The following DCAF8 variants were observed in gnomAD, a reference collection of about 807,000 sequenced individuals.
DCAF8 encodes DDB1 and CUL4 associated factor 8.
A neutral mutation model predicts 68.0 loss-of-function variants in DCAF8; 20 were observed. That is an observed-to-expected ratio of 0.29 (90% CI 0.21 to 0.43). DCAF8 has a LOEUF of 0.43. Ranked by LOEUF, DCAF8 falls within the 20% of genes least tolerant of loss-of-function variation. The pLI is 1.00. For synonymous variants in DCAF8, 230 were observed against 276.9 expected (o/e 0.83, Z 1.68); for missense variants, 460 against 771.0 (o/e 0.60, Z 4.78).
intron 10 of DCAF8, among the ~76,000 whole-genome samples, chr1:160,223,143 T>C (rs1394879705): frequency 6.6e-6 from 1 of 152,252 alleles, no homozygotes; most frequent in Admixed American, 6.5e-5. Context: ...TATGTGGACT[T>C]CATTGGTACC....
intron 3 of DCAF8, among the ~76,000 whole-genome samples, chr1:160,242,356 G>A (rs1656150821): frequency 6.6e-6 from 1 of 152,086 alleles, no homozygotes; most frequent in Non-Finnish European, 1.5e-5. Context: ...CACATTTGCT[G>A]AGCCTGTTAT....
At chr1:160,232,349 A>G (rs1328121378) in intron 6 of DCAF8, among the ~76,000 whole-genome samples, 1 of 152,136 alleles carries the variant, frequency 6.6e-6, no homozygotes, top group Non-Finnish European at 1.5e-5. Flanking sequence ...TCTATAAAAA[A>G]TTATTATAAA....
chr1:160,255,165 A>G (rs1244158328), intron 2 of DCAF8, among the ~76,000 whole-genome samples: 1 of 152,262 alleles, frequency 6.6e-6, no homozygotes, highest in Admixed American at 6.5e-5. Flanking sequence ...GGCGTTTTAA[A>G]GAATTCAGAG....
chr1:160,246,744 G>A (rs1290595857), intron 2 of DCAF8, among the ~76,000 whole-genome samples: 1 of 152,006 alleles, frequency 6.6e-6, no homozygotes, highest in South Asian at 2.1e-4. Context: ...CACATTGGGA[G>A]GCCGAGGCAG....
chr1:160,246,937 C>T (rs760917797), intron 2 of DCAF8, among the ~76,000 whole-genome samples: 7 of 152,024 alleles, frequency 4.6e-5, no homozygotes, highest in Non-Finnish European at 8.8e-5. Flanking sequence ...CCAGGCAGGA[C>T]GACAGAGCAA....
At chr1:160,252,131 T>C (rs981393565) in intron 2 of DCAF8, among the ~76,000 whole-genome samples, 17 of 152,198 alleles carry the variant, frequency 1.1e-4, no homozygotes, top group Non-Finnish European at 2.4e-4. Flanking sequence ...CCCAGTGGCC[T>C]ATGTGTAAGC....
chr1:160,244,189 T>G (rs1335389116), intron 2 of DCAF8, among the ~76,000 whole-genome samples, 155 bp from the exon 3 acceptor site: 2 of 152,220 alleles, frequency 1.3e-5, no homozygotes, highest in Admixed American at 1.3e-4. Flanking sequence ...CTTGTGAAAT[T>G]TTTTCTTCCT....
At chr1:160,235,747 T>TTA (rs2101734983) in intron 6 of DCAF8, among the ~76,000 whole-genome samples, 1 of 151,516 alleles carries the variant, frequency 6.6e-6, no homozygotes, top group East Asian at 1.9e-4. Flanking sequence ...ATGATTTTTT[T>TTA]TTTTTTTCTG....
chr1:160,224,409 T>G (rs1466432909), intron 10 of DCAF8, 33 bp downstream of exon 10: 2 of 1,553,282 alleles, frequency 1.3e-6, no homozygotes. Context: ...GCCAACAGGC[T>G]TGGGCCAAAG....
intron 13 of DCAF8, 50 bp downstream of exon 13, chr1:160,218,274 C>G (rs765648040): frequency 3.9e-5 from 57 of 1,452,992 alleles, no homozygotes; most frequent in Non-Finnish European, 5.5e-5. Context: ...ACTTTTTAGC[C>G]CTCTTAAAAG....
chr1:160,220,327 C>T (rs1380786592), intron 11 of DCAF8: 1 of 152,172 alleles, frequency 6.6e-6, no homozygotes, highest in African/African-American at 2.4e-5. Context: ...GCCCTTGTTA[C>T]AGACCTGTAC....
intron 2 of DCAF8, among the ~76,000 whole-genome samples, chr1:160,251,967 G>C (rs999040675): frequency 1.3e-5 from 2 of 152,200 alleles, no homozygotes; most frequent in Non-Finnish European, 2.9e-5. Context: ...GAAAGAAACT[G>C]AATGTTTCTG....
At chr1:160,254,578 G>C (rs916865488) in intron 2 of DCAF8, among the ~76,000 whole-genome samples, 8 of 151,760 alleles carry the variant, frequency 5.3e-5, no homozygotes, top group Non-Finnish European at 2.9e-5. Context: ...TGGATCACGA[G>C]GTCAAGAGAT....
chr1:160,260,878 A>AC (rs772502901), intron 2 of DCAF8, among the ~76,000 whole-genome samples: 2 of 152,284 alleles, frequency 1.3e-5, no homozygotes, highest in South Asian at 2.1e-4. Context: ...AGGGATGACA[A>AC]CCCGAAGCTG....
intron 10 of DCAF8, among the ~76,000 whole-genome samples, chr1:160,223,255 G>C (rs998476429): frequency 6.6e-6 from 1 of 152,158 alleles, no homozygotes; most frequent in Non-Finnish European, 1.5e-5. Context: ...CATTAACAGG[G>C]CTCCACTCTC....
chr1:160,244,868 C>T (rs538659607), intron 2 of DCAF8, among the ~76,000 whole-genome samples: 2 of 152,278 alleles, frequency 1.3e-5, no homozygotes, highest in South Asian at 4.1e-4. Context: ...CTCGGCCTCC[C>T]AAAGTGCTGG....
At chr1:160,227,234 G>A (rs1655506594) in intron 7 of DCAF8, among the ~76,000 whole-genome samples, 1 of 152,294 alleles carries the variant, frequency 6.6e-6, no homozygotes, top group African/African-American at 2.4e-5. Flanking sequence ...AGGAGTGGTT[G>A]GACATCAAGG....
chr1:160,234,757 T>C (rs928201143), intron 6 of DCAF8, among the ~76,000 whole-genome samples: 30 of 152,334 alleles, frequency 2.0e-4, no homozygotes, highest in African/African-American at 6.7e-4. Context: ...ACAAACATCA[T>C]GTAGTTCAAA....
intron 2 of DCAF8, among the ~76,000 whole-genome samples, chr1:160,259,781 C>T (rs1040960538): frequency 6.6e-6 from 1 of 152,130 alleles, no homozygotes; most frequent in Non-Finnish European, 1.5e-5. Context: ...CAACTCTGAT[C>T]AGGTGTGCTA....
Sources: gnomAD v4.1 joint callset for allele counts (sites outside exome capture counted in the v4.1 genomes callset) on GRCh38, gnomAD v4.1.1 for gene constraint, MANE v1.5 for transcripts, NCBI Gene and HGNC (gene_info 2026-07-23, HGNC 2026-07-21) for gene names.